Variants in RPA1 observed in about 807,000 individuals in gnomAD.
RPA1 encodes the protein replication protein A1.
RPA1 carries 49 observed loss-of-function variants against 83.0 expected under a neutral mutation model. The observed-to-expected ratio is 0.59, with a 90% CI of 0.47 to 0.75. The LOEUF (loss-of-function observed/expected upper bound fraction) is 0.75, where lower values mean the gene tolerates loss of function less well. RPA1 is among the 30% of genes least tolerant of loss of function. The pLI, the probability that RPA1 is intolerant of heterozygous loss-of-function variation, is 0.00. For synonymous variants in RPA1, 279 were observed against 281.8 expected, an observed-to-expected ratio of 0.99 and a Z score of 0.10; for missense variants, 693 against 776.1, an observed-to-expected ratio of 0.89 and a Z score of 1.27.
In RPA1 at chr17:1,862,025, GGA is replaced by G. The variant is rs1444786870; in HGVS notation, c.361+8837_361+8838del. 2.0e-5 allele frequency among the ~76,000 whole-genome samples: 3 copies of G among 151,460 alleles called. No homozygotes were observed. The East Asian group carries it at 5.8e-4, about 29-fold the overall frequency. ...CGCCATTCTCCTGCTTGAGTAGCTGGGACTACAGGCACCCACCACCATGCCCG... is the reference window on the plus strand; with the variant it reads ...CGCCATTCTCCTGCTTGAGTAGCTGGCTACAGGCACCCACCACCATGCCCG... On this transcript the variant is annotated intron_variant, in intron 5 of 16. Transcript: ENST00000254719.
rs1247666074 is a variant in RPA1, at chr17:1,899,217, A to G, written c.*2042A>G. ...AAGATCAGATCACCAGCAGAGGAGCATCAGAAACTGGCTCCACTGTTGGGC... is the reference window on the plus strand; with the variant it reads ...AAGATCAGATCACCAGCAGAGGAGCGTCAGAAACTGGCTCCACTGTTGGGC... On this transcript the variant is annotated 3_prime_UTR_variant, in exon 17 of 17. Transcript: ENST00000254719. The G allele has an allele frequency of 6.5e-6, 1 of 152,948 alleles. No individual in the cohort carries two copies. Among genetic ancestry groups the G allele is most frequent in the Non-Finnish European group, 1.5e-5 (1 of 68,096 alleles). The allele number at this position is 152,948 out of a possible 1,614,324, so 9.5% of individuals were successfully genotyped here. A position where few individuals can be genotyped will look rare whatever the true frequency, so the allele number is the denominator to read the frequency against.
At chr17:1,881,794 A>G (rs1182709947) in intron 12 of RPA1, among the ~76,000 whole-genome samples, 4 of 152,198 alleles carry the variant, frequency 2.6e-5, no homozygotes, top group Non-Finnish European at 5.9e-5. Flanking sequence ...TTGATCAAAG[A>G]CAAGCTCAGT....
At chr17:1,857,294 GTATT>G (rs139933664) in intron 5 of RPA1, among the ~76,000 whole-genome samples, 1,415 of 140,414 alleles carry the variant, frequency 0.01, 32 homozygotes, top group African/African-American at 0.035. Context: ...GATAAAATGA[GTATT>G]TAATTCAGTT....
chr17:1,853,223 A>T lies in RPA1; in HGVS notation c.361+34A>T, dbSNP rs17291902. 9.7e-6 allele frequency: 14 copies of T among 1,447,536 alleles called. No individual in the cohort carries two copies. The South Asian group carries it at 1.0e-4, about 11-fold the overall frequency. 89.7% of individuals were successfully genotyped at this position (1,447,536 alleles called of 1,614,324 possible). ...CTTTGGCGTAGGTTGTAGCACTCAA[A>T]TGAATACCTCTTTATATATTCGGAG... On this transcript the variant is annotated intron_variant, in intron 5 of 16. Transcript: ENST00000254719.
intron 4 of RPA1, among the ~76,000 whole-genome samples, chr17:1,849,289 C>CTTTTTTTTTTTTTT (rs61062085): frequency 8.6e-6 from 1 of 116,320 alleles, no homozygotes. Context: ...GTTGGCTGTT[C>CTTTTTTTTTTTTTT]TTTTTTTTTT....
chr17:1,864,347 G>A lies in RPA1; in HGVS notation c.362-8087G>A, dbSNP rs1298577674. 2.0e-5 allele frequency among the ~76,000 whole-genome samples: 3 copies of A among 152,094 alleles called. No homozygotes were observed. The East Asian group carries it at 5.8e-4, about 29-fold the overall frequency. ...AGGTCAGGAGTTTGAGACCAGCCTG[G>A]CCAACATGGTGAAACCTCGTCTCTA... On this transcript the variant is annotated intron_variant, in intron 5 of 16. Coordinates refer to ENST00000254719, the MANE Select transcript of RPA1 (RefSeq NM_002945.5).
intron 1 of RPA1, among the ~76,000 whole-genome samples, chr17:1,840,768 A>G (rs1912016517): frequency 6.6e-6 from 1 of 152,110 alleles, no homozygotes; most frequent in African/African-American, 2.4e-5. Flanking sequence ...ATATCCCTAA[A>G]TAATTTACTT....
chr17:1,851,097 C>A (rs889288764), intron 4 of RPA1, among the ~76,000 whole-genome samples: 7 of 152,130 alleles, frequency 4.6e-5, no homozygotes, highest in African/African-American at 1.7e-4. Context: ...CGTCCACTAT[C>A]CTCTGTAATT....
At chr17:1,895,662 T>TG (rs1209892893) in intron 16 of RPA1, among the ~76,000 whole-genome samples, 27 of 18,064 alleles carry the variant, frequency 1.5e-3, no homozygotes, top group African/African-American at 4.6e-3. Context: ...CCATATAGTA[T>TG]TTATTTATTT....
intron 5 of RPA1, among the ~76,000 whole-genome samples, chr17:1,868,930 G>C (rs1167112316): frequency 6.6e-6 from 1 of 152,062 alleles, no homozygotes; most frequent in Non-Finnish European, 1.5e-5. Flanking sequence ...ATTTTACTTT[G>C]ACTAAAATTT....
chr17:1,830,247 C>T, intron 1 of RPA1, 121 bp downstream of exon 1: 4 of 168,874 alleles, frequency 2.4e-5, no homozygotes, highest in East Asian at 1.1e-4. Context: ...GAGGAGATGG[C>T]GGGGGGCGGT....
At chr17:1,847,836 A>G (rs948353904) in intron 4 of RPA1, among the ~76,000 whole-genome samples, 4 of 152,014 alleles carry the variant, frequency 2.6e-5, no homozygotes, top group African/African-American at 7.2e-5. Context: ...CCTGGCCAAC[A>G]TGGTGAAACC....
chr17:1,838,281 A>G (rs994167523), intron 1 of RPA1, among the ~76,000 whole-genome samples: 9 of 146,672 alleles, frequency 6.1e-5, no homozygotes, highest in Non-Finnish European at 8.9e-5. Flanking sequence ...ACAGAGCAAA[A>G]CTCCGTCTCA....
intron 5 of RPA1, among the ~76,000 whole-genome samples, chr17:1,860,331 T>A (rs1912901612): frequency 6.6e-6 from 1 of 152,008 alleles, no homozygotes; most frequent in South Asian, 2.1e-4. Flanking sequence ...TCTTTTTATT[T>A]GTAGGGGCGG....
At chr17:1,880,773 T>A in intron 12 of RPA1, 82 bp downstream of exon 12, 3 of 1,566,432 alleles carry the variant, frequency 1.9e-6, no homozygotes, top group Non-Finnish European at 2.6e-6. Context: ...GGGAGCTTTC[T>A]GCCAAGCAGA....
chr17:1,853,012 C>T, intron 4 of RPA1, 89 bp from the exon 5 acceptor site: 1 of 969,090 alleles, frequency 1.0e-6, no homozygotes, highest in South Asian at 1.4e-5. Flanking sequence ...TAGTTCATCA[C>T]AATGATCATC....
At chr17:1,883,167 T>G (rs11656311) in intron 12 of RPA1, among the ~76,000 whole-genome samples, 33,678 of 151,972 alleles carry the variant, frequency 0.22, 3,957 homozygotes, top group Admixed American at 0.25. Flanking sequence ...AAAAAAATTT[T>G]TTTTTCGAGA....
At chr17:1,836,195 T>A (rs1911815307) in intron 1 of RPA1, among the ~76,000 whole-genome samples, 1 of 152,060 alleles carries the variant, frequency 6.6e-6, no homozygotes, top group African/African-American at 2.4e-5. Context: ...CACTGCAACC[T>A]CTGCCTCCCA....
chr17:1,875,731 C>A lies in RPA1; in HGVS notation c.525C>A (p.His175Gln), dbSNP rs1487573955. The A allele has an allele frequency of 1.9e-6, 3 of 1,614,196 alleles. No individual in the cohort carries two copies. The highest frequency in any genetic ancestry group is 1.7e-6 in the Non-Finnish European group (2 of 1,180,034). Reference sequence around the variant, plus strand: ...AAGCTGCAGGTCCCAGCCTGTCACACACTTCTGGGGGAACACAGTCCAAAG... The same window carrying A: ...AAGCTGCAGGTCCCAGCCTGTCACAAACTTCTGGGGGAACACAGTCCAAAG... ...FGKAAGPSLS[H>Q]TSGGTQSKVV... The change falls in exon 7 of 17, where the codon CAC (histidine) becomes CAA (glutamine). Residue 175 changes from histidine to glutamine, a missense_variant. Physicochemically the swap from His to Gln is conservative, Grantham distance 24. Coordinates refer to ENST00000254719, the MANE Select transcript of RPA1 (RefSeq NM_002945.5).
Sources: gnomAD v4.1 joint callset for allele counts (sites outside exome capture counted in the v4.1 genomes callset) on GRCh38, gnomAD v4.1.1 for gene constraint, MANE v1.5 for transcripts, NCBI Gene and HGNC (gene_info 2026-07-23, HGNC 2026-07-21) for gene names.